SNUPN: variants seen among roughly 807,000 people sequenced by gnomAD.
SNUPN encodes snurportin 1.
Under a neutral mutation model 39.2 loss-of-function variants are expected in SNUPN, and 31 were observed. The observed-to-expected ratio is 0.79, with a 90% confidence interval of 0.59 to 1.07. The LOEUF (loss-of-function observed/expected upper bound fraction) is 1.07. SNUPN is among the 50% of genes least tolerant of loss of function. The pLI is 0.00. For missense variants in SNUPN, 382 were observed against 434.2 expected (o/e 0.88, Z 1.07); for synonymous variants, 132 against 159.0 (o/e 0.83, Z 1.28).
intron 2 of SNUPN, 44 bp from the exon 3 acceptor site, chr15:75,617,596 T>A (rs1892970441): frequency 6.4e-7 from 1 of 1,568,220 alleles, no homozygotes; most frequent in East Asian, 2.2e-5. Context: ...TTTCTTCTTT[T>A]TTTTTTTTTA....
intron 3 of SNUPN, among the ~76,000 whole-genome samples, chr15:75,613,754 G>T (rs979738807): frequency 6.6e-6 from 1 of 152,114 alleles, no homozygotes; most frequent in African/African-American, 2.4e-5. Flanking sequence ...CCACTAGGAT[G>T]GCTATATTTA....
intron 5 of SNUPN, among the ~76,000 whole-genome samples, chr15:75,607,583 G>C (rs1249449775): frequency 6.6e-6 from 1 of 152,178 alleles, no homozygotes; most frequent in Non-Finnish European, 1.5e-5. Context: ...AGATAAACTG[G>C]CACATTTACT....
chr15:75,608,659 C>T (rs961892939), intron 5 of SNUPN, among the ~76,000 whole-genome samples: 4 of 152,186 alleles, frequency 2.6e-5, no homozygotes, highest in Admixed American at 6.5e-5. Flanking sequence ...CTCTCAGAGA[C>T]GTTTCCCCCC....
chr15:75,620,830 G>A, intron 2 of SNUPN, 64 bp downstream of exon 2: 3 of 1,424,812 alleles, frequency 2.1e-6, no homozygotes, highest in Non-Finnish European at 2.9e-6. Context: ...CAAGCCTAGA[G>A]CCTTCGGAAT....
chr15:75,600,750 T>C (rs2075279107), intron 8 of SNUPN: 1 of 218,980 alleles, frequency 4.6e-6, no homozygotes, highest in East Asian at 1.3e-4. Context: ...CAGAAGCACC[T>C]TCACTTTACA....
chr15:75,612,037 C>T (rs1393489007), intron 3 of SNUPN, among the ~76,000 whole-genome samples: 1 of 139,634 alleles, frequency 7.2e-6, no homozygotes, highest in Non-Finnish European at 1.5e-5. Flanking sequence ...CCTTTTTTTC[C>T]TTTTTTTTTT....
chr15:75,600,853 A>T (rs1438107233), intron 8 of SNUPN: 3 of 356,612 alleles, frequency 8.4e-6, no homozygotes, highest in South Asian at 2.8e-5. Context: ...TCTTGCTCCT[A>T]TCTGGGCCTC....
chr15:75,601,498 C>A (rs1385635237), intron 7 of SNUPN, among the ~76,000 whole-genome samples: 2 of 152,042 alleles, frequency 1.3e-5, no homozygotes, highest in East Asian at 3.9e-4. Flanking sequence ...TAGCTTGAAC[C>A]CAGGAAGGGG....
Position 75,598,190 on chromosome 15 carries a change from A to G in SNUPN, c.*168T>C, listed in dbSNP as rs1254154458. 6 of 603,694 alleles carry G rather than the reference A, an allele frequency of 9.9e-6. No individual in the cohort carries two copies. Among genetic ancestry groups the G allele is most frequent in the Non-Finnish European group, 1.2e-5 (4 of 344,496 alleles). 37.4% of individuals were successfully genotyped at this position (603,694 alleles called of 1,614,324 possible). ...TGCTACGCAATCTGGGAACCTCCCC[A>G]TAACTGTTTGAGCCAGCATTTCAGA... On this transcript the variant is annotated 3_prime_UTR_variant, in exon 9 of 9. Coordinates refer to ENST00000308588, the MANE Select transcript of SNUPN (RefSeq NM_005701.4).
At chr15:75,621,135 T>C (rs1893058613) in intron 1 of SNUPN, 79 bp from the exon 2 acceptor site, 3 of 1,365,514 alleles carry the variant, frequency 2.2e-6, no homozygotes, top group Non-Finnish European at 2.0e-6. Context: ...AGTTATGATA[T>C]GATGGCCACA....
intron 2 of SNUPN, among the ~76,000 whole-genome samples, chr15:75,619,575 G>C (rs1893018337): frequency 6.6e-6 from 1 of 152,082 alleles, no homozygotes; most frequent in South Asian, 2.1e-4. Context: ...CTGAGAGGTT[G>C]AGGCTGCAGT....
intron 7 of SNUPN, among the ~76,000 whole-genome samples, chr15:75,602,378 T>A (rs1026194005): frequency 6.6e-6 from 1 of 150,962 alleles, no homozygotes; most frequent in Non-Finnish European, 1.5e-5. Context: ...ATACAAAAAT[T>A]AGCCAGGCAT....
intron 7 of SNUPN, among the ~76,000 whole-genome samples, chr15:75,604,305 C>T (rs1311715546): frequency 1.3e-5 from 2 of 151,984 alleles, no homozygotes; most frequent in African/African-American, 2.4e-5. Context: ...GGATTACAGG[C>T]GTGCACCACT....
chr15:75,603,322 C>G (rs923405399), intron 7 of SNUPN, among the ~76,000 whole-genome samples: 6 of 146,378 alleles, frequency 4.1e-5, no homozygotes, highest in Non-Finnish European at 3.0e-5. Context: ...GCTGGGATTA[C>G]AGGCGTGAGC....
chr15:75,622,741 C>T (rs1893102877), intron 1 of SNUPN, among the ~76,000 whole-genome samples: 1 of 152,192 alleles, frequency 6.6e-6, no homozygotes, highest in African/African-American at 2.4e-5. Context: ...AATACAACTC[C>T]ATAGGCCTCT....
rs529767264 is a variant in SNUPN, at chr15:75,623,740, C to A, written c.-6+1926G>T. On this transcript the variant is annotated intron_variant, in intron 1 of 8. Coordinates refer to ENST00000308588, the MANE Select transcript of SNUPN (RefSeq NM_005701.4). The stretch of plus-strand genomic sequence containing the variant: ...AATTACAAGCATGAGCCACTGCACC[C>A]GGCTTGAGGTGTGCCTTAATATCTT... Among the ~76,000 whole-genome samples the A allele has an allele frequency of 4.6e-5, 7 of 152,152 alleles. No individual in the cohort carries two copies. The East Asian group carries it at 1.2e-3, about 25-fold the overall frequency.
intron 3 of SNUPN, 132 bp downstream of exon 3, chr15:75,617,276 G>T: frequency 1.1e-6 from 1 of 911,964 alleles, no homozygotes; most frequent in Non-Finnish European, 1.7e-6. Context: ...ACACTGGCAT[G>T]TTCTTTGCAG....
At chr15:75,617,696 C>G in intron 2 of SNUPN, 144 bp from the exon 3 acceptor site, 1 of 854,614 alleles carries the variant, frequency 1.2e-6, no homozygotes, top group Non-Finnish European at 1.7e-6. Flanking sequence ...ATCTTCCCAC[C>G]TCAGCTTCCA....
At chr15:75,615,986 A>G (rs1892922094) in intron 3 of SNUPN, among the ~76,000 whole-genome samples, 1 of 152,016 alleles carries the variant, frequency 6.6e-6, no homozygotes, top group Non-Finnish European at 1.5e-5. Context: ...CTCCACATCT[A>G]TCTTCCCATG....
Sources: allele counts gnomAD v4.1 joint callset (sites outside exome capture counted in the v4.1 genomes callset), GRCh38; gene constraint gnomAD v4.1.1; transcripts MANE v1.5; gene names NCBI Gene and HGNC (gene_info 2026-07-23, HGNC 2026-07-21).